TENM2: variants seen among roughly 807,000 people sequenced by gnomAD.
TENM2 encodes the protein teneurin transmembrane protein 2.
A neutral mutation model predicts 245.2 loss-of-function variants in TENM2; 52 were observed. That is an observed-to-expected ratio of 0.21 (90% CI 0.17 to 0.27). The LOEUF (loss-of-function observed/expected upper bound fraction) is 0.27, where lower values mean the gene tolerates loss of function less well. Among genes scored for constraint, TENM2 ranks in the 10% least tolerant of loss-of-function variants. TENM2 has a pLI of 1.00. For missense variants in TENM2, 3,046 were observed against 3,666.8 expected, an observed-to-expected ratio of 0.83 and a Z score of 4.37; for synonymous variants, 1,363 against 1,438.9, an observed-to-expected ratio of 0.95 and a Z score of 1.19.
chr5:168,150,106 T>G (rs1756505807), intron 12 of TENM2, among the ~76,000 whole-genome samples: 1 of 152,236 alleles, frequency 6.6e-6, no homozygotes, highest in African/African-American at 2.4e-5. Context: ...ATATTAATTT[T>G]TATTGTTTAT....
the TENM2 span, among the ~76,000 whole-genome samples, chr5:167,041,314 G>A: frequency 3.3e-5 from 5 of 152,286 alleles, no homozygotes; most frequent in East Asian, 1.9e-4. Flanking sequence ...TCCACAGGCC[G>A]TAATTTACGC....
At chr5:167,515,489 A>G (rs936260358) in intron 2 of TENM2, among the ~76,000 whole-genome samples, 12 of 151,398 alleles carry the variant, frequency 7.9e-5, no homozygotes, top group African/African-American at 2.7e-4. Context: ...ATGGGTTCCA[A>G]TAGCCAGGGC....
chr5:167,051,627 G>A, the TENM2 span, among the ~76,000 whole-genome samples: 1 of 152,072 alleles, frequency 6.6e-6, no homozygotes, highest in Non-Finnish European at 1.5e-5. Context: ...AGAAACTTTC[G>A]CTTGCTCACG....
chr5:167,615,668 A>G (rs573848494), intron 2 of TENM2, among the ~76,000 whole-genome samples: 54 of 152,242 alleles, frequency 3.5e-4, no homozygotes, highest in African/African-American at 1.2e-3. Context: ...CCATCATTCA[A>G]TAAACAGTCA....
chr5:167,351,137 G>A (rs533799661), intron 1 of TENM2, among the ~76,000 whole-genome samples: 84 of 131,928 alleles, frequency 6.4e-4, no homozygotes, highest in Non-Finnish European at 1.0e-3. Flanking sequence ...ATATATATGG[G>A]ATATATACAT....
chr5:168,098,134 G>A lies in TENM2; in HGVS notation c.1813+7G>A. The A allele has an allele frequency of 6.2e-7, 1 of 1,603,850 alleles. No individual in the cohort carries two copies. Among genetic ancestry groups the A allele is most frequent in the Non-Finnish European group, 8.5e-7 (1 of 1,171,486 alleles). ...GGAGCAGACTGTGCTAAAGGTATGT[G>A]CCGCCACTTCCCTGCTATGGTTGGA... is the stretch of plus-strand genomic sequence containing the variant. On this transcript the variant is annotated splice_region_variant and intron_variant, in intron 9 of 28. Transcript: ENST00000518659.
intron 2 of TENM2, among the ~76,000 whole-genome samples, chr5:167,451,916 T>G (rs1765610597): frequency 6.6e-6 from 1 of 152,190 alleles, no homozygotes; most frequent in African/African-American, 2.4e-5. Flanking sequence ...CCCAAAGTGC[T>G]GGGATTACAG....
the TENM2 span, among the ~76,000 whole-genome samples, chr5:167,046,647 A>G: frequency 6.6e-6 from 1 of 152,136 alleles, no homozygotes; most frequent in African/African-American, 2.4e-5. Context: ...TCTACCAAGC[A>G]GGCTGAAGTG....
At chr5:167,856,574 A>G (rs1771118972) in intron 2 of TENM2, among the ~76,000 whole-genome samples, 1 of 152,106 alleles carries the variant, frequency 6.6e-6, no homozygotes, top group African/African-American at 2.4e-5. Flanking sequence ...GGGAACTGAA[A>G]TTTTTCAGAT....
intron 2 of TENM2, among the ~76,000 whole-genome samples, chr5:167,788,495 T>C (rs1764731275): frequency 6.6e-6 from 1 of 152,192 alleles, no homozygotes; most frequent in Admixed American, 6.5e-5. Context: ...GAAAGTGTCA[T>C]TAGTAATTGT....
At chr5:167,443,277 G>C (rs2127462380) in intron 2 of TENM2, among the ~76,000 whole-genome samples, 1 of 152,202 alleles carries the variant, frequency 6.6e-6, no homozygotes, top group East Asian at 1.9e-4. Context: ...ATCTAGTAGT[G>C]GTTGGCAAAT....
intron 4 of TENM2, among the ~76,000 whole-genome samples, chr5:167,955,866 T>C (rs926748809): frequency 6.6e-6 from 1 of 152,220 alleles, no homozygotes; most frequent in Admixed American, 6.5e-5. Context: ...TTTTGGTAAA[T>C]GTAACCTTGT....
the TENM2 span, among the ~76,000 whole-genome samples, chr5:167,257,283 A>T: frequency 1.1e-4 from 16 of 152,290 alleles, no homozygotes; most frequent in East Asian, 3.1e-3. Flanking sequence ...TACTAGATAC[A>T]TTTATATACT....
At chr5:167,526,981 GATTCAA>G (rs1771165410) in intron 2 of TENM2, among the ~76,000 whole-genome samples, 1 of 152,014 alleles carries the variant, frequency 6.6e-6, no homozygotes, top group South Asian at 2.1e-4. Context: ...AGTTCATTTG[GATTCAA>G]ATTCAATCAA....
the TENM2 span, among the ~76,000 whole-genome samples, chr5:167,271,947 A>C: frequency 6.6e-6 from 1 of 152,262 alleles, no homozygotes; most frequent in African/African-American, 2.4e-5. Context: ...ACTTTTGTAG[A>C]TTTTAAACCA....
chr5:167,226,586 G>C, the TENM2 span, among the ~76,000 whole-genome samples: 8 of 152,094 alleles, frequency 5.3e-5, no homozygotes, highest in South Asian at 1.0e-3. Flanking sequence ...GTTGAGGCTT[G>C]TTTTGTGGGC....
intron 2 of TENM2, among the ~76,000 whole-genome samples, chr5:167,799,585 T>C (rs1341046351): frequency 6.6e-6 from 1 of 152,196 alleles, no homozygotes; most frequent in Non-Finnish European, 1.5e-5. Context: ...GACTAACTTT[T>C]AGAAAAAGCT....
chr5:167,393,195 A>G (rs1386924822), intron 2 of TENM2, among the ~76,000 whole-genome samples: 2 of 147,698 alleles, frequency 1.4e-5, no homozygotes, highest in Non-Finnish European at 3.1e-5. Context: ...AAGAAAAAAG[A>G]GAGAAAATAG....
At chr5:167,445,371 T>TGC in intron 2 of TENM2, among the ~76,000 whole-genome samples, 1 of 81,636 alleles carries the variant, frequency 1.2e-5, no homozygotes, top group Admixed American at 1.3e-4. Flanking sequence ...AGAGAGAGAG[T>TGC]GTCAGGTGTT....
Sources: gnomAD v4.1 joint callset for allele counts (sites outside exome capture counted in the v4.1 genomes callset) on GRCh38, gnomAD v4.1.1 for gene constraint, MANE v1.5 for transcripts, NCBI Gene and HGNC (gene_info 2026-07-23, HGNC 2026-07-21) for gene names.